OR51B5: variants seen among roughly 807,000 people sequenced by gnomAD.
OR51B5 encodes olfactory receptor 51B5.
For synonymous variants in OR51B5, 186 were observed against 144.8 expected (o/e 1.28, Z -2.04); for missense variants, 456 against 374.6 (o/e 1.22, Z -1.79).
At chr11:5,394,527 T>C (rs115622035) in intron 1 of OR51B5, among the ~76,000 whole-genome samples, 3,000 of 152,326 alleles carry the variant, frequency 0.02, 101 homozygotes, top group African/African-American at 0.068. Context: ...TATCCCGTTA[T>C]TTAATATCCA....
At chr11:5,341,483 G>A (rs904279868), downstream of OR51B5, 1 of 152,140 alleles carries the variant, frequency 6.6e-6, no homozygotes. Flanking sequence ...CCCCTCTCTT[G>A]TCTCACTGAA....
chr11:5,368,353 G>A (rs975506930), intron 1 of OR51B5, among the ~76,000 whole-genome samples: 2 of 152,018 alleles, frequency 1.3e-5, no homozygotes, highest in African/African-American at 4.8e-5. Context: ...TCTTTAAGTG[G>A]GGATACCAAT....
chr11:5,461,278 C>T (rs2133793768), intron 1 of OR51B5, among the ~76,000 whole-genome samples: 1 of 152,232 alleles, frequency 6.6e-6, no homozygotes, highest in Middle Eastern at 3.4e-3. Flanking sequence ...GCGAGGCGCG[C>T]CGGCGGGGAA....
At chr11:5,393,669 G>T (rs1849829507) in intron 1 of OR51B5, among the ~76,000 whole-genome samples, 1 of 152,164 alleles carries the variant, frequency 6.6e-6, no homozygotes, top group African/African-American at 2.4e-5. Flanking sequence ...TCACGGTAGA[G>T]AGGGCTGAGT....
At chr11:5,391,492 T>C (rs970340874) in intron 1 of OR51B5, 2 of 152,228 alleles carry the variant, frequency 1.3e-5, no homozygotes, top group African/African-American at 4.8e-5. Flanking sequence ...ATAAATACAA[T>C]GCCTAGCACA....
At chr11:5,426,668 G>A (rs1046503412) in intron 1 of OR51B5, among the ~76,000 whole-genome samples, 1 of 151,980 alleles carries the variant, frequency 6.6e-6, no homozygotes, top group African/African-American at 2.4e-5. Context: ...TAGTTTTTTG[G>A]CATGTTGAGT....
intron 1 of OR51B5, among the ~76,000 whole-genome samples, chr11:5,495,059 A>G (rs1851629161): frequency 6.6e-6 from 1 of 152,170 alleles, no homozygotes; most frequent in Non-Finnish European, 1.5e-5. Flanking sequence ...CTAGAGAAAC[A>G]CCAATTTTGC....
chr11:5,435,364 A>G (rs1286029030), intron 1 of OR51B5, among the ~76,000 whole-genome samples: 2 of 152,228 alleles, frequency 1.3e-5, no homozygotes, highest in African/African-American at 2.4e-5. Flanking sequence ...TATTAACTGA[A>G]TATTGCTCAT....
At chr11:5,495,488 A>G (rs114452370) in intron 1 of OR51B5, among the ~76,000 whole-genome samples, 126 of 152,322 alleles carry the variant, frequency 8.3e-4, no homozygotes, top group Middle Eastern at 6.8e-3. Context: ...AAGTAAATGT[A>G]GAGTTTTTGT....
chr11:5,353,303 C>G (rs571537841), intron 1 of OR51B5, among the ~76,000 whole-genome samples: 1 of 152,068 alleles, frequency 6.6e-6, no homozygotes, highest in South Asian at 2.1e-4. Flanking sequence ...ATTTCTAATT[C>G]AGATGACCAT....
chr11:5,441,310 C>A lies in OR51B5; in HGVS notation n.84+64259G>T, dbSNP rs772637819. The A allele has an allele frequency of 4.3e-6, 7 of 1,613,716 alleles. No homozygotes were observed. The highest frequency in any genetic ancestry group is 5.9e-6 in the Non-Finnish European group (7 of 1,179,878). On this transcript the variant is annotated intron_variant and non_coding_transcript_variant, in intron 1 of 4. Coordinates refer to the OR51B5 transcript ENST00000415970. ...AAGGACACTCCCAGATCATTGAGAG[C>A]GAGCATAGAGAGGAAGTAGTACATG...
At chr11:5,377,966 A>C (rs1352485073) in intron 1 of OR51B5, among the ~76,000 whole-genome samples, 2 of 152,196 alleles carry the variant, frequency 1.3e-5, no homozygotes, top group East Asian at 3.8e-4. Flanking sequence ...ACGACTTTAA[A>C]GTTCATATGG....
chr11:5,428,679 T>A (rs185361833), intron 1 of OR51B5, among the ~76,000 whole-genome samples: 2 of 152,250 alleles, frequency 1.3e-5, no homozygotes, highest in Non-Finnish European at 2.9e-5. Flanking sequence ...ATTGACACCA[T>A]CTTGCTTCTA....
intron 1 of OR51B5, among the ~76,000 whole-genome samples, chr11:5,467,538 C>T (rs962166196): frequency 6.6e-6 from 1 of 152,212 alleles, no homozygotes; most frequent in African/African-American, 2.4e-5. Flanking sequence ...TGTTTACTCT[C>T]CAGTTAAAGT....
intron 1 of OR51B5, among the ~76,000 whole-genome samples, chr11:5,412,835 GC>G (rs1167953006): frequency 6.6e-6 from 1 of 151,970 alleles, no homozygotes; most frequent in Non-Finnish European, 1.5e-5. Context: ...AGGCCTGCCT[GC>G]CTCTGTAGGC....
intron 1 of OR51B5, chr11:5,390,072 T>G (rs1849769972): frequency 3.7e-6 from 6 of 1,613,774 alleles, no homozygotes; most frequent in Non-Finnish European, 4.2e-6. Context: ...GACCTGGTGC[T>G]CATCGCACTG....
chr11:5,344,512 C>A (rs12275713), upstream of OR51B5, among the ~76,000 whole-genome samples: 54,185 of 151,966 alleles, frequency 0.36, 9,934 homozygotes, highest in African/African-American at 0.39. Flanking sequence ...GAGCTATTTC[C>A]CTGCTTAAAC....
chr11:5,375,840 A>G (rs1313740200), intron 1 of OR51B5, among the ~76,000 whole-genome samples: 1 of 152,204 alleles, frequency 6.6e-6, no homozygotes, highest in East Asian at 1.9e-4. Context: ...AAAGAGACTT[A>G]GACTCCCACA....
intron 1 of OR51B5, among the ~76,000 whole-genome samples, chr11:5,464,792 G>T (rs1430797247): frequency 6.6e-6 from 1 of 152,102 alleles, no homozygotes; most frequent in Non-Finnish European, 1.5e-5. Flanking sequence ...ATTCCTTTGG[G>T]TATATACCCA....
Sources: allele counts gnomAD v4.1 joint callset (sites outside exome capture counted in the v4.1 genomes callset), GRCh38; gene constraint gnomAD v4.1.1; transcripts MANE v1.5; gene names NCBI Gene and HGNC (gene_info 2026-07-23, HGNC 2026-07-21).